MACO1: variants seen among roughly 807,000 people sequenced by gnomAD.
MACO1 encodes the protein macoilin.
In MACO1, 14 loss-of-function variants were observed where a neutral mutation model predicts 78.7. The observed-to-expected ratio is 0.18, with a 90% CI of 0.12 to 0.28. The LOEUF is 0.28. Among genes scored for constraint, MACO1 ranks in the 10% least tolerant of loss-of-function variants. MACO1 has a pLI of 1.00. For missense variants in MACO1, 501 were observed against 799.0 expected (o/e 0.63, Z 4.50); for synonymous variants, 288 against 291.6 (o/e 0.99, Z 0.12).
At chr1:25,473,380 G>T (rs967145995) in intron 6 of MACO1, among the ~76,000 whole-genome samples, 1 of 152,072 alleles carries the variant, frequency 6.6e-6, no homozygotes, top group Non-Finnish European at 1.5e-5. Context: ...ACAGTTTACC[G>T]AATGTCTCCA....
chr1:25,458,259 G>A (rs140298876), intron 5 of MACO1, 132 bp from the exon 6 acceptor site: 21 of 1,253,896 alleles, frequency 1.7e-5, no homozygotes, highest in South Asian at 1.1e-4. Context: ...CTTGATTAGC[G>A]TATAATGAGT....
In MACO1 at chr1:25,498,380, T is replaced by G. The variant is rs770713890; in HGVS notation, c.1909T>G (p.Ser637Ala). ...SAATSPLSPV[S>A]PHYSSKFVET... ...CGCCACCAGCCCCCTGAGCCCTGTTTCCCCCCACTACTCTTCCAAATTTGT... is the reference window on the plus strand; with the variant it reads ...CGCCACCAGCCCCCTGAGCCCTGTTGCCCCCCACTACTCTTCCAAATTTGT... The change falls in exon 11 of 11, where the codon TCC (serine) becomes GCC (alanine). Residue 637 changes from serine to alanine, a missense_variant. Coordinates refer to ENST00000374343, the MANE Select transcript of MACO1 (RefSeq NM_018202.6). 1.2e-6 allele frequency: 2 copies of G among 1,613,932 alleles called. No homozygotes were observed. Among genetic ancestry groups the G allele is most frequent in the Admixed American group, 1.7e-5 (1 of 59,986 alleles).
chr1:25,464,640 C>T lies in MACO1; in HGVS notation c.1154+5748C>T, dbSNP rs185745025. On this transcript the variant is annotated intron_variant, in intron 6 of 10. Transcript: ENST00000374343. Reference sequence around the variant, plus strand: ...GATTACAGGCGTGAGTCACCGCACCCGTCTATAATTTCTTCCCCCACCCCC... The same window carrying T: ...GATTACAGGCGTGAGTCACCGCACCTGTCTATAATTTCTTCCCCCACCCCC... Among the ~76,000 whole-genome samples the T allele has an allele frequency of 3.1e-4, 44 of 143,832 alleles. No homozygotes were observed. In the South Asian group the frequency reaches 3.2e-3, roughly 10 times the overall value. 94.4% of individuals were successfully genotyped at this position (143,832 alleles called of 152,430 possible).
chr1:25,466,617 C>T (rs953131225), intron 6 of MACO1, among the ~76,000 whole-genome samples: 4 of 152,062 alleles, frequency 2.6e-5, no homozygotes, highest in Admixed American at 2.0e-4. Context: ...CCGGCCAGTT[C>T]AGCCCATTTT....
chr1:25,458,942 T>G, intron 6 of MACO1, 50 bp downstream of exon 6: 1 of 1,567,150 alleles, frequency 6.4e-7, no homozygotes, highest in Non-Finnish European at 8.6e-7. Flanking sequence ...AAACTTGACA[T>G]ACTCTTGACA....
chr1:25,434,232 G>C (rs536670892), intron 1 of MACO1, among the ~76,000 whole-genome samples: 1 of 152,290 alleles, frequency 6.6e-6, no homozygotes, highest in Non-Finnish European at 1.5e-5. Context: ...TTAAAAATAG[G>C]AGAAAGGAAA....
intron 3 of MACO1, among the ~76,000 whole-genome samples, chr1:25,451,009 T>C (rs988789929): frequency 2.0e-5 from 3 of 152,176 alleles, no homozygotes; most frequent in Non-Finnish European, 2.9e-5. Flanking sequence ...ATAGAACCTA[T>C]TGGAAACTAG....
At chr1:25,456,290 C>T (rs182796324) in intron 4 of MACO1, among the ~76,000 whole-genome samples, 2 of 152,044 alleles carry the variant, frequency 1.3e-5, no homozygotes, top group East Asian at 3.9e-4. Flanking sequence ...AGGTATCTGC[C>T]TAAGTTCTAA....
chr1:25,480,661 T>G (rs1054628337), intron 6 of MACO1, among the ~76,000 whole-genome samples: 2 of 151,970 alleles, frequency 1.3e-5, no homozygotes, highest in Admixed American at 1.3e-4. Flanking sequence ...GCACGGTGGC[T>G]CACACCTGTA....
chr1:25,487,758 C>T (rs1000119056), intron 8 of MACO1, among the ~76,000 whole-genome samples: 3 of 152,174 alleles, frequency 2.0e-5, no homozygotes, highest in Non-Finnish European at 4.4e-5. Context: ...GTTCACCGCC[C>T]CCTGCTGGAC....
At chr1:25,470,532 A>T (rs1475252984) in intron 6 of MACO1, among the ~76,000 whole-genome samples, 1 of 152,188 alleles carries the variant, frequency 6.6e-6, no homozygotes, top group East Asian at 1.9e-4. Context: ...GTGGCCTTTC[A>T]TGGAGGATTC....
chr1:25,487,387 A>G (rs2043443177), intron 8 of MACO1, among the ~76,000 whole-genome samples: 2 of 152,176 alleles, frequency 1.3e-5, no homozygotes, highest in African/African-American at 4.8e-5. Flanking sequence ...TCCTGACCTC[A>G]GGTGATCTGC....
In MACO1 at chr1:25,461,033, A is replaced by G. The variant is rs1166985661; in HGVS notation, c.1154+2141A>G. Among the ~76,000 whole-genome samples the G allele has an allele frequency of 3.3e-5, 5 of 152,074 alleles. No homozygotes were observed. The East Asian group carries it at 7.7e-4, about 23-fold the overall frequency. ...ACACCATGGAATACTATGCAGCCAT[A>G]AAAAATGAAGAGTTCATGTCCTTTG... On this transcript the variant is annotated intron_variant, in intron 6 of 10. Coordinates refer to ENST00000374343, the MANE Select transcript of MACO1 (RefSeq NM_018202.6).
chr1:25,491,354 A>T, intron 9 of MACO1, 56 bp from the exon 10 acceptor site: 1 of 1,603,302 alleles, frequency 6.2e-7, no homozygotes, highest in South Asian at 1.1e-5. Context: ...AGGCTAATTT[A>T]TAGACATCGA....
intron 6 of MACO1, among the ~76,000 whole-genome samples, chr1:25,468,052 A>T (rs1367461930): frequency 6.6e-6 from 1 of 152,124 alleles, no homozygotes; most frequent in African/African-American, 2.4e-5. Flanking sequence ...CTAGAATGAG[A>T]TTCTAGGATC....
At chr1:25,455,851 C>T (rs924692440) in intron 4 of MACO1, among the ~76,000 whole-genome samples, 1 of 152,060 alleles carries the variant, frequency 6.6e-6, no homozygotes, top group Non-Finnish European at 1.5e-5. Context: ...AAATTAGTCA[C>T]CTGAATTTGA....
At position 25,431,055 on chromosome 1, in the gene MACO1, G is replaced by C. The variant is rs2042858969; in HGVS notation, c.-44G>C. 6.6e-7 allele frequency: 1 copy of C among 1,518,354 alleles called. No homozygotes were observed. The highest frequency in any genetic ancestry group is 8.9e-7 in the Non-Finnish European group (1 of 1,125,740). The allele number at this position is 1,518,354 out of a possible 1,614,324, so 94.1% of individuals were successfully genotyped here. A position where few individuals can be genotyped will look rare whatever the true frequency, so the allele number is the denominator to read the frequency against. On this transcript the variant is annotated 5_prime_UTR_variant, in exon 1 of 11. Coordinates refer to ENST00000374343, the MANE Select transcript of MACO1 (RefSeq NM_018202.6). ...CCAGCGGCGGCGGCAGCTGAGGTGA[G>C]AGACGGCGGCGGCGGCGCGGGCACC... is the stretch of plus-strand genomic sequence containing the variant.
chr1:25,472,107 G>A (rs917869722), intron 6 of MACO1, among the ~76,000 whole-genome samples: 3 of 152,050 alleles, frequency 2.0e-5, no homozygotes, highest in Non-Finnish European at 4.4e-5. Context: ...ATCTTTTCTG[G>A]TGGGTCTAGC....
At position 25,499,190 on chromosome 1, in the gene MACO1, T is replaced by C. The variant is rs2043564178; in HGVS notation, c.*724T>C. ...AAAGACATTTCAAGAGGAAACTTGA[T>C]AATTTTAAACTCTTTTCCCCCTTTA... On this transcript the variant is annotated 3_prime_UTR_variant, in exon 11 of 11. Coordinates refer to ENST00000374343, the MANE Select transcript of MACO1 (RefSeq NM_018202.6). 6.6e-6 allele frequency: 1 copy of C among 152,258 alleles called. No individual in the cohort carries two copies. The highest frequency in any genetic ancestry group is 2.1e-4 in the South Asian group (1 of 4,836). 9.4% of individuals were successfully genotyped at this position (152,258 alleles called of 1,614,324 possible).
Sources: allele counts gnomAD v4.1 joint callset (sites outside exome capture counted in the v4.1 genomes callset), GRCh38; gene constraint gnomAD v4.1.1; transcripts MANE v1.5; gene names NCBI Gene and HGNC (gene_info 2026-07-23, HGNC 2026-07-21).